Variants in NWD2 observed in about 807,000 individuals in gnomAD.
NWD2 encodes the protein NACHT and WD repeat domain containing 2, also known as NACHT and WD repeat domain-containing protein 2.
NWD2 carries 37 observed loss-of-function variants against 132.7 expected under a neutral mutation model. The observed-to-expected ratio is 0.28, with a 90% CI of 0.21 to 0.37. The LOEUF is 0.37. Ranked by LOEUF, NWD2 falls within the 10% of genes least tolerant of loss-of-function variation. NWD2 has a pLI of 1.00. For missense variants in NWD2, 1,592 were observed against 2,122.4 expected (o/e 0.75, Z 4.91); for synonymous variants, 705 against 803.0 (o/e 0.88, Z 2.06).
chr4:37,309,992 C>A (rs1776534), intron 1 of NWD2, among the ~76,000 whole-genome samples: 13 of 152,120 alleles, frequency 8.5e-5, no homozygotes, highest in Non-Finnish European at 2.9e-5. Flanking sequence ...AGATTTATTT[C>A]TAGTTCACTG....
intron 3 of NWD2, among the ~76,000 whole-genome samples, chr4:37,401,459 G>T (rs1461770720): frequency 1.3e-5 from 2 of 152,208 alleles, no homozygotes; most frequent in Non-Finnish European, 2.9e-5. Flanking sequence ...CTCACACATT[G>T]TCTTCCATCT....
At chr4:37,246,143 G>A (rs1717239625) in intron 1 of NWD2, among the ~76,000 whole-genome samples, 1 of 152,230 alleles carries the variant, frequency 6.6e-6, no homozygotes, top group Non-Finnish European at 1.5e-5. Flanking sequence ...GAGACTGACA[G>A]AGGTGAAAGA....
At chr4:37,273,032 TG>T (rs1717906021) in intron 1 of NWD2, among the ~76,000 whole-genome samples, 1 of 151,860 alleles carries the variant, frequency 6.6e-6, no homozygotes, top group African/African-American at 2.4e-5. Flanking sequence ...GTTACTGTCA[TG>T]TCAGTTCATT....
intron 1 of NWD2, among the ~76,000 whole-genome samples, chr4:37,299,636 A>G (rs116633664): frequency 4.1e-4 from 63 of 152,250 alleles, no homozygotes; most frequent in African/African-American, 1.4e-3. Context: ...AACACCTAGC[A>G]GAGTGTTGGG....
At position 37,444,952 on chromosome 4, in the gene NWD2, T is replaced by C. The variant is rs778345129; in HGVS notation, c.2964T>C (p.Asn988=). The C allele has an allele frequency of 8.4e-6, 13 of 1,552,108 alleles. No homozygotes were observed. The South Asian group carries it at 1.5e-4, about 18-fold the overall frequency. ...NPSTVLTALE[N]GSISTWDVET... ...GCACTGTCCTCACAGCTTTAGAAAATGGTTCCATCAGCACCTGGGATGTAG... is the reference window on the plus strand; with the variant it reads ...GCACTGTCCTCACAGCTTTAGAAAACGGTTCCATCAGCACCTGGGATGTAG... The change falls in exon 7 of 7, where the codon AAT becomes AAC. Residue 988 remains asparagine (N), a synonymous_variant. Transcript: ENST00000309447. This position sits in a 1 kb window ranked among gnomAD's most constrained non-coding sequence, Gnocchi z 4.8.
intron 3 of NWD2, among the ~76,000 whole-genome samples, chr4:37,393,711 C>G (rs1048485452): frequency 1.3e-5 from 2 of 152,286 alleles, no homozygotes; most frequent in South Asian, 4.1e-4. Context: ...AACTTCCCTT[C>G]TGCTATATAT....
intron 1 of NWD2, among the ~76,000 whole-genome samples, chr4:37,316,710 A>C (rs28587669): frequency 0.073 from 11,043 of 152,036 alleles, 1,221 homozygotes; most frequent in African/African-American, 0.24. Context: ...ATAATAGCTG[A>C]TTTCAGGTTT....
intron 1 of NWD2, among the ~76,000 whole-genome samples, chr4:37,251,085 C>T (rs1200683313): frequency 6.6e-6 from 1 of 152,180 alleles, no homozygotes; most frequent in Non-Finnish European, 1.5e-5. Context: ...TCGAGACCAG[C>T]CTGGCCAGCA....
intron 2 of NWD2, among the ~76,000 whole-genome samples, chr4:37,341,761 A>G (rs1719532306): frequency 1.3e-5 from 2 of 152,206 alleles, no homozygotes; most frequent in South Asian, 4.1e-4. Context: ...AAAACAGAAT[A>G]TTATTAATAG....
chr4:37,321,800 T>C (rs28695589), intron 1 of NWD2, among the ~76,000 whole-genome samples: 11,064 of 152,246 alleles, frequency 0.073, 1,235 homozygotes, highest in African/African-American at 0.24. Flanking sequence ...AATACAAATA[T>C]GGGAAAATCT....
At chr4:37,362,786 G>T (rs1720006251) in intron 3 of NWD2, among the ~76,000 whole-genome samples, 1 of 152,148 alleles carries the variant, frequency 6.6e-6, no homozygotes, top group Non-Finnish European at 1.5e-5. Context: ...AAAAACAACT[G>T]CAGCAAAAAC....
chr4:37,358,767 G>T (rs1430371414), intron 3 of NWD2, among the ~76,000 whole-genome samples: 1 of 152,094 alleles, frequency 6.6e-6, no homozygotes, highest in African/African-American at 2.4e-5. Flanking sequence ...AGTGTTCGTT[G>T]TTTCTTATTG....
chr4:37,424,129 C>T (rs1187795901), intron 3 of NWD2, among the ~76,000 whole-genome samples: 1 of 152,152 alleles, frequency 6.6e-6, no homozygotes, highest in East Asian at 1.9e-4. Flanking sequence ...AGAATACCAA[C>T]ACCCAAGGCT....
chr4:37,354,279 G>A (rs1440058736), intron 2 of NWD2, among the ~76,000 whole-genome samples: 4 of 152,248 alleles, frequency 2.6e-5, no homozygotes, highest in East Asian at 1.9e-4. Context: ...GATGTCTGTT[G>A]ACCCATGCTG....
At chr4:37,256,287 A>G (rs1005392471) in intron 1 of NWD2, among the ~76,000 whole-genome samples, 13 of 152,236 alleles carry the variant, frequency 8.5e-5, no homozygotes, top group Admixed American at 6.5e-4. Flanking sequence ...TTATTTGGGC[A>G]AAGCAGAGAA....
intron 3 of NWD2, among the ~76,000 whole-genome samples, chr4:37,361,872 GA>G (rs1327140675): frequency 2.0e-5 from 3 of 152,146 alleles, no homozygotes; most frequent in African/African-American, 7.2e-5. Flanking sequence ...AGGAAAAGAA[GA>G]AGTGAAACTG....
At chr4:37,369,991 T>G (rs971080512) in intron 3 of NWD2, among the ~76,000 whole-genome samples, 3 of 152,200 alleles carry the variant, frequency 2.0e-5, no homozygotes, top group Non-Finnish European at 2.9e-5. Context: ...CTCACTCCTT[T>G]CTGTTCTGTT....
intron 6 of NWD2, among the ~76,000 whole-genome samples, chr4:37,442,754 A>C (rs1421904049): frequency 2.0e-5 from 3 of 152,196 alleles, no homozygotes; most frequent in Non-Finnish European, 2.9e-5. Context: ...TAATTTCAGT[A>C]CTGAATATTT....
intron 1 of NWD2, among the ~76,000 whole-genome samples, chr4:37,296,874 G>C (rs1261905119): frequency 1.3e-5 from 2 of 152,048 alleles, no homozygotes; most frequent in Non-Finnish European, 2.9e-5. Flanking sequence ...GTGATCAAAG[G>C]CTCACAGGAA....
Sources: allele counts gnomAD v4.1 joint callset (sites outside exome capture counted in the v4.1 genomes callset), GRCh38; gene constraint gnomAD v4.1.1; non-coding constraint Gnocchi (gnomAD v3.1); transcripts MANE v1.5; gene names NCBI Gene and HGNC (gene_info 2026-07-23, HGNC 2026-07-21).